The following TEKTL1 variants were observed in gnomAD, a reference collection of about 807,000 sequenced individuals.
TEKTL1 encodes tektin-like protein 1.
the TEKTL1 span, chr19:15,011,412 C>T: frequency 1.4e-6 from 2 of 1,408,670 alleles, no homozygotes. Flanking sequence ...CCCTCCCCCA[C>T]GCCCAACCCC....
At chr19:15,018,343 C>A in the TEKTL1 span, among the ~76,000 whole-genome samples, 1 of 152,020 alleles carries the variant, frequency 6.6e-6, no homozygotes, top group African/African-American at 2.4e-5. Context: ...AGTGAGCAGA[C>A]TCACTTTTAC....
chr19:15,022,416 C>T, the TEKTL1 span, among the ~76,000 whole-genome samples: 3 of 152,200 alleles, frequency 2.0e-5, no homozygotes, highest in African/African-American at 7.2e-5. Context: ...GCAACCTTCA[C>T]CTCCCGGGTT....
the TEKTL1 span, among the ~76,000 whole-genome samples, chr19:15,015,170 G>A: frequency 6.6e-6 from 1 of 152,184 alleles, no homozygotes; most frequent in Non-Finnish European, 1.5e-5. Flanking sequence ...CTGGGTAACA[G>A]AGGAAGACCC....
At chr19:15,010,941 G>T in the TEKTL1 span, 1 of 1,587,348 alleles carries the variant, frequency 6.3e-7, no homozygotes, top group Non-Finnish European at 8.6e-7. Flanking sequence ...ACCGATCGCT[G>T]CGGGCAGGAG....
At chr19:15,010,894 G>A in the TEKTL1 span, 1 of 1,566,790 alleles carries the variant, frequency 6.4e-7, no homozygotes, top group South Asian at 1.2e-5. Context: ...CATGGCGCGA[G>A]GCAGCTCAGG....
At chr19:15,016,282 C>A in the TEKTL1 span, among the ~76,000 whole-genome samples, 4 of 148,696 alleles carry the variant, frequency 2.7e-5, no homozygotes, top group East Asian at 7.9e-4. Flanking sequence ...CTCTGCCTTC[C>A]GAGTTCAAGC....
At chr19:15,017,283 G>A in the TEKTL1 span, among the ~76,000 whole-genome samples, 1 of 152,260 alleles carries the variant, frequency 6.6e-6, no homozygotes. Flanking sequence ...TTACTAGAGG[G>A]GGTCAGGGAG....
At chr19:15,021,232 A>G in the TEKTL1 span, 1 of 1,318,124 alleles carries the variant, frequency 7.6e-7, no homozygotes, top group African/African-American at 1.5e-5. Flanking sequence ...CTGGACTTTC[A>G]CCCAGTTCCT....
the TEKTL1 span, chr19:15,022,052 G>T: frequency 1.4e-6 from 1 of 709,310 alleles, no homozygotes; most frequent in Non-Finnish European, 2.3e-6. Context: ...GCCACGAAGT[G>T]GGGAGGCGGG....
chr19:15,020,470 T>A, the TEKTL1 span: 5 of 1,612,696 alleles, frequency 3.1e-6, no homozygotes. Context: ...GACCCTGGCC[T>A]CCTGCCGAGA....
the TEKTL1 span, among the ~76,000 whole-genome samples, chr19:15,011,841 C>A: frequency 0.33 from 49,660 of 151,750 alleles, 8,261 homozygotes; most frequent in Non-Finnish European, 0.36. Context: ...GTAATCCCAG[C>A]ACTTTGGGAG....
At chr19:15,021,703 C>T in the TEKTL1 span, 103 of 1,614,040 alleles carry the variant, frequency 6.4e-5, 2 homozygotes, top group South Asian at 1.1e-3. Context: ...CACCCACGGT[C>T]TCATCAAGGT....
At chr19:15,019,882 G>T in the TEKTL1 span, among the ~76,000 whole-genome samples, 1 of 151,488 alleles carries the variant, frequency 6.6e-6, no homozygotes, top group South Asian at 2.1e-4. Flanking sequence ...CAAGAGGATC[G>T]CTTGAGCCCA....
the TEKTL1 span, among the ~76,000 whole-genome samples, chr19:15,016,032 T>C: frequency 4.0e-5 from 6 of 151,428 alleles, no homozygotes; most frequent in Non-Finnish European, 7.4e-5. Context: ...TACTAAATTA[T>C]ATTTCATGTA....
chr19:15,018,119 G>C, the TEKTL1 span, among the ~76,000 whole-genome samples: 1 of 152,202 alleles, frequency 6.6e-6, no homozygotes, highest in Non-Finnish European at 1.5e-5. Context: ...TTGGGAGGCT[G>C]AGGCGGGTGG....
At chr19:15,020,729 G>A in the TEKTL1 span, 46 of 1,333,402 alleles carry the variant, frequency 3.4e-5, 1 homozygote, top group Admixed American at 6.0e-4. Flanking sequence ...GCAGCCCGTC[G>A]CCCACTTAGC....
At chr19:15,020,097 C>T in the TEKTL1 span, among the ~76,000 whole-genome samples, 1 of 151,080 alleles carries the variant, frequency 6.6e-6, no homozygotes, top group African/African-American at 2.4e-5. Context: ...AGCTTGAAGC[C>T]AGGAGTTCAA....
At chr19:15,018,444 C>T in the TEKTL1 span, among the ~76,000 whole-genome samples, 1 of 151,706 alleles carries the variant, frequency 6.6e-6, no homozygotes, top group African/African-American at 2.4e-5. Flanking sequence ...CACAGCAGCT[C>T]GCGCCTGTAA....
the TEKTL1 span, among the ~76,000 whole-genome samples, chr19:15,018,461 C>T: frequency 1.3e-5 from 2 of 151,538 alleles, no homozygotes; most frequent in Middle Eastern, 3.4e-3. Flanking sequence ...GTAATTCCAG[C>T]ATTTTGAGAG....
Sources: allele counts gnomAD v4.1 joint callset (sites outside exome capture counted in the v4.1 genomes callset), GRCh38; gene constraint gnomAD v4.1.1; transcripts MANE v1.5; gene names NCBI Gene and HGNC (gene_info 2026-07-23, HGNC 2026-07-21).